The following SLCO3A1 variants were observed in gnomAD, a reference collection of about 807,000 sequenced individuals.
The protein encoded by SLCO3A1 is solute carrier organic anion transporter family member 3A1.
In SLCO3A1, 27 loss-of-function variants were observed where a neutral mutation model predicts 63.1. The observed-to-expected ratio is 0.43, with a 90% CI of 0.32 to 0.59. The LOEUF (loss-of-function observed/expected upper bound fraction) is 0.59, where lower values mean the gene tolerates loss of function less well. Ranked by LOEUF, SLCO3A1 falls within the 20% of genes least tolerant of loss-of-function variation. SLCO3A1 has a pLI of 0.09. For missense variants in SLCO3A1, 773 were observed against 945.8 expected (o/e 0.82, Z 2.40); for synonymous variants, 473 against 409.9 (o/e 1.15, Z -1.86).
At chr15:92,165,943 ATC>A, downstream of SLCO3A1, 1 of 972,394 alleles carries the variant, frequency 1.0e-6, no homozygotes, top group Non-Finnish European at 1.2e-6. Flanking sequence ...CTCCTACACC[ATC>A]TCAGCTGAAC....
Position 92,012,859 on chromosome 15 carries a change from C to G in SLCO3A1, c.647-82022C>G, listed in dbSNP as rs146538250. ...GCTAGAGAAAGAACAAATAAATCAC[C>G]AGTGAATACAAAGATGAATAACTTC... On this transcript the variant is annotated intron_variant, in intron 2 of 9. Transcript: ENST00000318445. 4.2e-4 allele frequency among the ~76,000 whole-genome samples: 64 copies of G among 152,054 alleles called. No individual in the cohort carries two copies. In the East Asian group the frequency reaches 0.011, roughly 27 times the overall value.
chr15:91,891,164 G>A (rs1897860447), intron 1 of SLCO3A1, among the ~76,000 whole-genome samples: 1 of 150,058 alleles, frequency 6.7e-6, no homozygotes, highest in African/African-American at 2.5e-5. Context: ...AAGAGTGATA[G>A]AACAGAACCA....
At chr15:92,069,282 A>G (rs904743345) in intron 2 of SLCO3A1, among the ~76,000 whole-genome samples, 1 of 152,214 alleles carries the variant, frequency 6.6e-6, no homozygotes, top group African/African-American at 2.4e-5. Flanking sequence ...TTGTCATGTC[A>G]GTAGTGCTGA....
At chr15:91,953,563 G>A (rs1375637526) in intron 2 of SLCO3A1, among the ~76,000 whole-genome samples, 1 of 152,174 alleles carries the variant, frequency 6.6e-6, no homozygotes, top group African/African-American at 2.4e-5. Context: ...TCATGTTGGG[G>A]CCTGCACTCA....
downstream of SLCO3A1, chr15:92,170,780 C>T (rs1381952775): frequency 6.6e-6 from 1 of 152,178 alleles, no homozygotes; most frequent in Non-Finnish European, 1.5e-5. Context: ...CCTTTCAAAA[C>T]ACTCCTCCTT....
chr15:92,146,668 G>A (rs2048228080), intron 7 of SLCO3A1, among the ~76,000 whole-genome samples: 2 of 152,190 alleles, frequency 1.3e-5, no homozygotes, highest in Non-Finnish European at 2.9e-5. Context: ...TTATCATATT[G>A]TGGAAGCGCA....
rs1194740088 is a variant in SLCO3A1, at chr15:91,865,448, T to C, written c.180+11360T>C. ...ACCAGGTCTATTCATTAACTAGGGCTGCTGTAACAAATTACCACAAACTGG... is the reference window on the plus strand; with the variant it reads ...ACCAGGTCTATTCATTAACTAGGGCCGCTGTAACAAATTACCACAAACTGG... On this transcript the variant is annotated intron_variant, in intron 1 of 9. Coordinates refer to ENST00000318445, the MANE Select transcript of SLCO3A1 (RefSeq NM_013272.4). The surrounding 1 kb of genome is among the most constrained non-coding windows in gnomAD (Gnocchi z 4.6). Among the ~76,000 whole-genome samples, 2 of 152,224 alleles carry C rather than the reference T, an allele frequency of 1.3e-5. No individual in the cohort carries two copies. Among genetic ancestry groups the C allele is most frequent in the Non-Finnish European group, 2.9e-5 (2 of 68,048 alleles).
intron 1 of SLCO3A1, among the ~76,000 whole-genome samples, chr15:91,857,355 A>T (rs921723038): frequency 6.6e-6 from 1 of 152,188 alleles, no homozygotes; most frequent in Non-Finnish European, 1.5e-5. Flanking sequence ...GGTTACAAAC[A>T]TCTTAACTGG....
intron 1 of SLCO3A1, among the ~76,000 whole-genome samples, chr15:91,911,767 C>T (rs1175842551): frequency 6.6e-6 from 1 of 152,100 alleles, no homozygotes; most frequent in Non-Finnish European, 1.5e-5. Flanking sequence ...GCTGGGACTA[C>T]AGGCATGTGC....
chr15:92,034,270 G>A (rs561661177), intron 2 of SLCO3A1, among the ~76,000 whole-genome samples: 10 of 151,662 alleles, frequency 6.6e-5, no homozygotes, highest in East Asian at 1.9e-4. Context: ...AGAAGGGGAA[G>A]AGGCCAGAAG....
intron 2 of SLCO3A1, among the ~76,000 whole-genome samples, chr15:92,084,219 C>T (rs1206978378): frequency 1.3e-5 from 2 of 152,148 alleles, no homozygotes; most frequent in African/African-American, 4.8e-5. Flanking sequence ...TTTCCACATT[C>T]TCTAAAAAAA....
At chr15:91,955,074 C>T (rs1372052456) in intron 2 of SLCO3A1, among the ~76,000 whole-genome samples, 1 of 152,106 alleles carries the variant, frequency 6.6e-6, no homozygotes, top group African/African-American at 2.4e-5. Context: ...AATAATAGCC[C>T]ATCCTCACAC....
intron 2 of SLCO3A1, among the ~76,000 whole-genome samples, chr15:92,038,119 T>C (rs538428849): frequency 1.1e-4 from 16 of 152,178 alleles, no homozygotes; most frequent in Non-Finnish European, 2.4e-4. Flanking sequence ...TTTGTTTCTC[T>C]AAGGAAGCAG....
Position 92,137,965 on chromosome 15 carries a change from G to A in SLCO3A1, c.1513-9019G>A, listed in dbSNP as rs1398154644. ...TGGTAGTTTCTTTTGCTGTGCAGAA[G>A]CTCTTTAGTTTAATTAGATCCCATT... On this transcript the variant is annotated intron_variant, in intron 7 of 9. Transcript: ENST00000318445. 1.4e-4 allele frequency among the ~76,000 whole-genome samples: 17 copies of A among 119,386 alleles called. 4 individuals are homozygous for A. Among genetic ancestry groups the A allele is most frequent in the Admixed American group, 1.3e-3 (15 of 11,206 alleles). 78.3% of individuals were successfully genotyped at this position (119,386 alleles called of 152,430 possible). A position where few individuals can be genotyped will look rare whatever the true frequency, so the allele number is the denominator to read the frequency against.
At position 91,894,122 on chromosome 15, in the gene SLCO3A1, C is replaced by T. The variant is rs1490872996; in HGVS notation, c.181-21871C>T. Among the ~76,000 whole-genome samples the T allele has an allele frequency of 6.6e-6, 1 of 152,058 alleles. No individual in the cohort carries two copies. The highest frequency in any genetic ancestry group is 1.5e-5 in the Non-Finnish European group (1 of 68,020). ...AGAGTGTTCCAGGCAGATGCAGTAGCACATTGTCTCAAGTTGAGGATGGGT... is the reference window on the plus strand; with the variant it reads ...AGAGTGTTCCAGGCAGATGCAGTAGTACATTGTCTCAAGTTGAGGATGGGT... On this transcript the variant is annotated intron_variant, in intron 1 of 9. Coordinates refer to ENST00000318445, the MANE Select transcript of SLCO3A1 (RefSeq NM_013272.4). This position sits in a 1 kb window ranked among gnomAD's most constrained non-coding sequence, Gnocchi z 4.8.
chr15:92,106,214 ATGGTTTCTACCAATGC>A (rs1367519236), intron 4 of SLCO3A1, among the ~76,000 whole-genome samples: 1 of 152,212 alleles, frequency 6.6e-6, no homozygotes, highest in African/African-American at 2.4e-5. Flanking sequence ...ATGTTCCATG[ATGGTTTCTACCAATGC>A]TGTAATTTGG....
At chr15:91,899,877 G>A (rs963026296) in intron 1 of SLCO3A1, among the ~76,000 whole-genome samples, 14 of 152,106 alleles carry the variant, frequency 9.2e-5, no homozygotes, top group Admixed American at 8.5e-4. Flanking sequence ...TTCACATTTG[G>A]CTTCTTTCAA....
intron 2 of SLCO3A1, among the ~76,000 whole-genome samples, chr15:91,919,019 C>A (rs757482166): frequency 1.3e-5 from 2 of 152,214 alleles, no homozygotes; most frequent in Non-Finnish European, 2.9e-5. Flanking sequence ...CCAGCTTGTT[C>A]TTGAGCTGAG....
intron 2 of SLCO3A1, among the ~76,000 whole-genome samples, chr15:92,046,189 A>G (rs937514698): frequency 6.6e-6 from 1 of 152,146 alleles, no homozygotes; most frequent in Non-Finnish European, 1.5e-5. Context: ...TATATTGGAC[A>G]GCCTACAGTG....
Sources: gnomAD v4.1 joint callset for allele counts (sites outside exome capture counted in the v4.1 genomes callset) on GRCh38, gnomAD v4.1.1 for gene constraint, Gnocchi (gnomAD v3.1) non-coding constraint, MANE v1.5 for transcripts, NCBI Gene and HGNC (gene_info 2026-07-23, HGNC 2026-07-21) for gene names.